The following PTPRD variants were observed in gnomAD, a reference collection of about 807,000 sequenced individuals.
PTPRD encodes the protein protein tyrosine phosphatase receptor type D.
PTPRD carries 34 observed loss-of-function variants against 214.5 expected under a neutral mutation model. That is an observed-to-expected ratio of 0.16 (90% CI 0.12 to 0.21). PTPRD has a LOEUF of 0.21. PTPRD is among the 10% of genes least tolerant of loss of function. The probability of loss-of-function intolerance (pLI) is 1.00; values close to 1 mark genes in which losing one functional copy is unlikely to be tolerated. For synonymous variants in PTPRD, 1,128 were observed against 845.7 expected (o/e 1.33, Z -5.79); for missense variants, 2,545 against 2,398.7 (o/e 1.06, Z -1.27).
chr9:8,970,932 C>A (rs910389955), intron 11 of PTPRD, among the ~76,000 whole-genome samples: 5 of 144,990 alleles, frequency 3.4e-5, no homozygotes, highest in East Asian at 2.0e-4. Flanking sequence ...ACAACAAAAA[C>A]CAAACAAAAA....
chr9:9,490,240 C>G (rs1336008091), intron 8 of PTPRD, among the ~76,000 whole-genome samples: 1 of 151,850 alleles, frequency 6.6e-6, no homozygotes, highest in South Asian at 2.1e-4. Flanking sequence ...TAAACCTACC[C>G]TGCAAAAAAA....
intron 12 of PTPRD, among the ~76,000 whole-genome samples, chr9:8,670,784 T>C (rs2097267511): frequency 6.6e-6 from 1 of 152,130 alleles, no homozygotes; most frequent in African/African-American, 2.4e-5. Context: ...ACTAGGGGTG[T>C]GGATGACCAC....
intron 11 of PTPRD, among the ~76,000 whole-genome samples, chr9:8,817,233 C>A (rs888775347): frequency 6.6e-6 from 1 of 152,180 alleles, no homozygotes; most frequent in African/African-American, 2.4e-5. Flanking sequence ...TGAGCAAGAG[C>A]TTTAATGAAC....
chr9:9,872,425 C>A (rs983264940), intron 5 of PTPRD, among the ~76,000 whole-genome samples: 1 of 152,090 alleles, frequency 6.6e-6, no homozygotes, highest in South Asian at 2.1e-4. Context: ...CATAGTGAGA[C>A]CCTGTCTCTA....
chr9:9,989,676 G>A (rs1342139743), intron 4 of PTPRD, among the ~76,000 whole-genome samples: 1 of 152,196 alleles, frequency 6.6e-6, no homozygotes, highest in Non-Finnish European at 1.5e-5. Flanking sequence ...GCAAGAGGCT[G>A]TCGCATTGAC....
chr9:9,436,663 A>G (rs1417677859), intron 8 of PTPRD, among the ~76,000 whole-genome samples: 1 of 150,650 alleles, frequency 6.6e-6, no homozygotes, highest in African/African-American at 2.5e-5. Flanking sequence ...AAAATGGCAC[A>G]TTTCAGGAAT....
chr9:8,442,983 A>C (rs2095597623), intron 34 of PTPRD, among the ~76,000 whole-genome samples: 1 of 152,192 alleles, frequency 6.6e-6, no homozygotes, highest in African/African-American at 2.4e-5. Context: ...TCTGCAACAA[A>C]AATTTTTTTA....
intron 14 of PTPRD, among the ~76,000 whole-genome samples, chr9:8,542,546 G>C (rs2078743022): frequency 6.6e-6 from 1 of 152,196 alleles, no homozygotes; most frequent in Non-Finnish European, 1.5e-5. Flanking sequence ...TATGTTTTCA[G>C]TCATGTCTTC....
intron 27 of PTPRD, among the ~76,000 whole-genome samples, chr9:8,491,325 G>GC (rs1182848568): frequency 6.6e-6 from 1 of 152,168 alleles, no homozygotes; most frequent in Non-Finnish European, 1.5e-5. Context: ...GGATGAGCTA[G>GC]CCTTAGTGAC....
chr9:8,404,458 AC>A, intron 36 of PTPRD, 78 bp downstream of exon 36: 1 of 1,515,446 alleles, frequency 6.6e-7, no homozygotes, highest in Middle Eastern at 1.8e-4. Flanking sequence ...ATGGTTAATA[AC>A]CTCACTAAAA....
chr9:10,318,343 C>CT (rs1315994383), intron 3 of PTPRD, among the ~76,000 whole-genome samples: 5 of 152,010 alleles, frequency 3.3e-5, no homozygotes, highest in African/African-American at 1.2e-4. Flanking sequence ...TCTTGTGTAT[C>CT]TTTGATTCTT....
intron 8 of PTPRD, among the ~76,000 whole-genome samples, chr9:9,397,963 G>A (rs534696317): frequency 1.3e-5 from 2 of 151,878 alleles, no homozygotes; most frequent in Admixed American, 1.3e-4. Context: ...AGCTTTAGTA[G>A]GTTGGTCCTA....
At chr9:10,067,899 G>T (rs2097913364) in intron 3 of PTPRD, among the ~76,000 whole-genome samples, 1 of 151,934 alleles carries the variant, frequency 6.6e-6, no homozygotes, top group South Asian at 2.1e-4. Context: ...CTCCCATTAT[G>T]GTCAATTTCA....
At chr9:8,354,256 A>T (rs1002651179) in intron 39 of PTPRD, among the ~76,000 whole-genome samples, 9 of 152,048 alleles carry the variant, frequency 5.9e-5, no homozygotes, top group Admixed American at 2.6e-4. Context: ...GCAAAATGTA[A>T]AATGGGATTC....
intron 2 of PTPRD, among the ~76,000 whole-genome samples, chr9:10,360,880 A>T (rs561578542): frequency 6.6e-6 from 1 of 152,282 alleles, no homozygotes; most frequent in Non-Finnish European, 1.5e-5. Flanking sequence ...AGACGGGCAG[A>T]TCGCGAGGTC....
At chr9:8,536,519 C>T (rs894049142) in intron 14 of PTPRD, among the ~76,000 whole-genome samples, 1 of 151,816 alleles carries the variant, frequency 6.6e-6, no homozygotes, top group African/African-American at 2.4e-5. Flanking sequence ...CTAGAAGAGA[C>T]AGAATTCTGC....
Position 8,758,425 on chromosome 9 carries a change from G to A in PTPRD, c.-103-24479C>T, listed in dbSNP as rs181119318. 2.5e-3 allele frequency among the ~76,000 whole-genome samples: 385 copies of A among 152,222 alleles called. 2 individuals carry two copies. Among genetic ancestry groups the A allele is most frequent in the African/African-American group, 8.3e-3 (343 of 41,546 alleles). Reference sequence around the variant, plus strand: ...TTATGTTATATACAAATTAGGGTATGATATTTGATATCATTTTGTTTTAAA... The same window carrying A: ...TTATGTTATATACAAATTAGGGTATAATATTTGATATCATTTTGTTTTAAA... On this transcript the variant is annotated intron_variant, in intron 11 of 45. Coordinates refer to ENST00000381196, the MANE Select transcript of PTPRD (RefSeq NM_002839.4).
intron 9 of PTPRD, among the ~76,000 whole-genome samples, chr9:9,364,654 T>G (rs1434721000): frequency 1.3e-5 from 2 of 150,908 alleles, no homozygotes; most frequent in Admixed American, 1.3e-4. Context: ...ATGGAGGCAA[T>G]GGAGGGAGAA....
At chr9:9,529,906 GTATT>G (rs1421432195) in intron 8 of PTPRD, among the ~76,000 whole-genome samples, 2 of 151,628 alleles carry the variant, frequency 1.3e-5, no homozygotes, top group Non-Finnish European at 2.9e-5. Context: ...AAATATTTGA[GTATT>G]TATGCAGCTG....
Sources: allele counts gnomAD v4.1 joint callset (sites outside exome capture counted in the v4.1 genomes callset), GRCh38; gene constraint gnomAD v4.1.1; transcripts MANE v1.5; gene names NCBI Gene and HGNC (gene_info 2026-07-23, HGNC 2026-07-21).